The following ALX1 variants were observed in gnomAD, a reference collection of about 807,000 sequenced individuals.
The protein encoded by ALX1 is ALX homeobox protein 1.
Under a neutral mutation model 31.7 loss-of-function variants are expected in ALX1, and 19 were observed. That is an observed-to-expected ratio of 0.60 (90% CI 0.42 to 0.88). The LOEUF (loss-of-function observed/expected upper bound fraction) is 0.88, where lower values mean the gene tolerates loss of function less well. ALX1 is among the 40% of genes least tolerant of loss of function. ALX1 has a pLI of 0.00. For synonymous variants in ALX1, 153 were observed against 148.8 expected (o/e 1.03, Z -0.20); for missense variants, 415 against 407.8 (o/e 1.02, Z -0.15).
chr12:85,298,016 A>T (rs886952032), intron 3 of ALX1, among the ~76,000 whole-genome samples: 1 of 151,744 alleles, frequency 6.6e-6, no homozygotes, highest in African/African-American at 2.4e-5. Flanking sequence ...TGTATTAAGG[A>T]CTTACCTTGT....
At chr12:85,288,416 A>G (rs955056980) in intron 3 of ALX1, among the ~76,000 whole-genome samples, 5 of 151,576 alleles carry the variant, frequency 3.3e-5, no homozygotes, top group Admixed American at 2.6e-4. Flanking sequence ...TCTGGTGGTT[A>G]CTTACCATCA....
At position 85,286,726 on chromosome 12, in the gene ALX1, A is replaced by G. The variant is rs1896752354; in HGVS notation, c.532-127A>G. On this transcript the variant is annotated intron_variant, in intron 2 of 3. Coordinates refer to ENST00000316824, the MANE Select transcript of ALX1 (RefSeq NM_006982.3). ...TAAAATCTGTGGATCCTTTTCTAACATAAATACATTTCTTTTTACGTAATT... is the reference window on the plus strand; with the variant it reads ...TAAAATCTGTGGATCCTTTTCTAACGTAAATACATTTCTTTTTACGTAATT... The G allele has an allele frequency of 6.6e-6, 6 of 911,894 alleles. No individual in the cohort carries two copies. In the South Asian group the frequency reaches 9.1e-5, roughly 14 times the overall value. The allele number at this position is 911,894 out of a possible 1,614,324, so 56.5% of individuals were successfully genotyped here.
rs752844254 is a variant in ALX1 at position 85,280,471 on chromosome 12, C to A, written c.210C>A (p.Pro70=). 18 of 1,611,208 alleles carry A rather than the reference C, an allele frequency of 1.1e-5. No homozygotes were observed. Among genetic ancestry groups the A allele is most frequent in the Non-Finnish European group, 1.5e-5 (18 of 1,180,006 alleles). ...EHHVRLERTS[P]CQDSSVNYGI... ...ACGTGCGCTTGGAGAGGACCTCGCC[C>A]TGTCAGGACAGCAGCGGTGAGTCGC... The change falls in exon 1 of 4, where the codon CCC becomes CCA. Residue 70 remains proline, a synonymous_variant. Coordinates refer to ENST00000316824, the MANE Select transcript of ALX1 (RefSeq NM_006982.3).
chr12:85,282,567 G>T (rs1271571031), intron 1 of ALX1, among the ~76,000 whole-genome samples: 1 of 152,048 alleles, frequency 6.6e-6, no homozygotes, highest in Non-Finnish European at 1.5e-5. Flanking sequence ...TCATCTATTG[G>T]AAATTATTAT....
intron 3 of ALX1, among the ~76,000 whole-genome samples, chr12:85,297,580 G>T (rs886225032): frequency 6.6e-6 from 1 of 151,580 alleles, no homozygotes; most frequent in Non-Finnish European, 1.5e-5. Flanking sequence ...TTTTAAACAG[G>T]TGAGCTTCTT....
chr12:85,287,099 C>G (rs993110522), intron 3 of ALX1, 118 bp downstream of exon 3: 11 of 1,226,640 alleles, frequency 9.0e-6, no homozygotes, highest in Non-Finnish European at 1.3e-5. Flanking sequence ...AAAATCTAAG[C>G]TTCAGAAAAC....
chr12:85,285,356 C>A (rs1387850456), intron 2 of ALX1, among the ~76,000 whole-genome samples: 1 of 151,100 alleles, frequency 6.6e-6, no homozygotes, highest in African/African-American at 2.4e-5. Context: ...TTCTTTTTGT[C>A]AATGGAAAAA....
At chr12:85,285,704 C>G (rs1896738910) in intron 2 of ALX1, among the ~76,000 whole-genome samples, 1 of 151,838 alleles carries the variant, frequency 6.6e-6, no homozygotes, top group African/African-American at 2.4e-5. Context: ...TTCAAGTAAA[C>G]TTCAACAAAA....
At chr12:85,289,533 CCTCA>C (rs1348114262) in intron 3 of ALX1, among the ~76,000 whole-genome samples, 2 of 150,936 alleles carry the variant, frequency 1.3e-5, no homozygotes, top group Non-Finnish European at 3.0e-5. Context: ...ACTAATTATT[CCTCA>C]TAATTTTGTA....
At chr12:85,295,898 GTTAC>G (rs1178065806) in intron 3 of ALX1, among the ~76,000 whole-genome samples, 6 of 151,454 alleles carry the variant, frequency 4.0e-5, no homozygotes, top group Non-Finnish European at 7.4e-5. Flanking sequence ...AGGGAAGGTT[GTTAC>G]TTACATATTT....
At chr12:85,283,983 G>A (rs1896715259) in intron 2 of ALX1, 107 bp downstream of exon 2, 2 of 1,260,332 alleles carry the variant, frequency 1.6e-6, no homozygotes, top group Admixed American at 1.8e-5. Context: ...TTCCCTAGCT[G>A]AAGATGAGAA....
At chr12:85,286,030 G>A (rs1234198158) in intron 2 of ALX1, among the ~76,000 whole-genome samples, 1 of 151,894 alleles carries the variant, frequency 6.6e-6, no homozygotes, top group Non-Finnish European at 1.5e-5. Context: ...AGCTGCCACA[G>A]TAACTGATAG....
intron 1 of ALX1, among the ~76,000 whole-genome samples, chr12:85,281,020 C>A (rs1369040798): frequency 2.0e-5 from 3 of 151,982 alleles, no homozygotes; most frequent in Non-Finnish European, 4.4e-5. Flanking sequence ...CAAGACGTGG[C>A]GATATATTTT....
intron 3 of ALX1, among the ~76,000 whole-genome samples, chr12:85,291,014 T>A (rs973440623): frequency 3.3e-5 from 5 of 151,186 alleles, no homozygotes; most frequent in African/African-American, 1.2e-4. Flanking sequence ...TAGATATGAG[T>A]AATAGTACAG....
chr12:85,295,063 T>C (rs1199634430), intron 3 of ALX1, among the ~76,000 whole-genome samples: 3 of 151,380 alleles, frequency 2.0e-5, no homozygotes, highest in Non-Finnish European at 4.4e-5. Flanking sequence ...CTGATGAAAA[T>C]GTGCCCTCAC....
At chr12:85,290,484 TA>T (rs35258782) in intron 3 of ALX1, among the ~76,000 whole-genome samples, 2 of 151,252 alleles carry the variant, frequency 1.3e-5, no homozygotes, top group Admixed American at 1.3e-4. Context: ...TATAAACATT[TA>T]AAAAGCCTAA....
Position 85,280,338 on chromosome 12 carries a change from G to A in ALX1, c.77G>A (p.Gly26Asp), listed in dbSNP as rs1276039534. The A allele has an allele frequency of 6.2e-7, 1 of 1,613,802 alleles. No homozygotes were observed. Among genetic ancestry groups the A allele is most frequent in the Admixed American group, 1.7e-5 (1 of 60,012 alleles). Residue 26 changes from glycine to aspartate, a missense_variant, in exon 1 of 4, where the codon GGT becomes GAT. By Grantham distance (94) the Gly-to-Asp change is moderately conservative (BLOSUM62 -1). Around this residue, in one of 3 missense-constraint regions of ALX1, gnomAD observed 235 missense variants for 208.9 expected, o/e 1.13. Coordinates refer to ENST00000316824, the MANE Select transcript of ALX1 (RefSeq NM_006982.3). ...AGTGACTTTTACATGGGCGCAGGAG[G>A]TCCTCTGGAGCACGTTATGGAGACG... is the stretch of plus-strand genomic sequence containing the variant. ...KNSDFYMGAG[G>D]PLEHVMETLD... is the part of the protein sequence containing the mutation.
chr12:85,299,474 G>A (rs12425342), intron 3 of ALX1, among the ~76,000 whole-genome samples: 5,424 of 151,328 alleles, frequency 0.036, 158 homozygotes, highest in South Asian at 0.11. Context: ...AAATATATAT[G>A]TTTAGATATG....
At chr12:85,299,919 TAA>T (rs1342462222) in intron 3 of ALX1, among the ~76,000 whole-genome samples, 1 of 151,962 alleles carries the variant, frequency 6.6e-6, no homozygotes. Context: ...ATCATGATTT[TAA>T]AAGATAAGGA....
Sources: allele counts gnomAD v4.1 joint callset (sites outside exome capture counted in the v4.1 genomes callset), GRCh38; gene constraint gnomAD v4.1.1; regional missense constraint gnomAD v4.1.1; transcripts MANE v1.5; gene names NCBI Gene and HGNC (gene_info 2026-07-23, HGNC 2026-07-21).